Variants in THRAP3 observed in about 807,000 individuals in gnomAD.
THRAP3 encodes thyroid hormone receptor associated protein 3.
A neutral mutation model predicts 101.0 loss-of-function variants in THRAP3; 16 were observed. That is an observed-to-expected ratio of 0.16 (90% confidence interval 0.11 to 0.24). The LOEUF is 0.24. THRAP3 is among the 10% of genes least tolerant of loss of function. The pLI, the probability that THRAP3 is intolerant of heterozygous loss-of-function variation, is 1.00. For missense variants in THRAP3, 989 were observed against 1,202.7 expected, an observed-to-expected ratio of 0.82 and a Z score of 2.63; for synonymous variants, 407 against 422.6, an observed-to-expected ratio of 0.96 and a Z score of 0.45.
At chr1:36,301,758 C>G (rs1277804120) in intron 11 of THRAP3, 62 bp downstream of exon 11, 1 of 1,545,808 alleles carries the variant, frequency 6.5e-7, no homozygotes, top group Non-Finnish European at 8.7e-7. Flanking sequence ...GTAGCTGATA[C>G]CAAGCCTTAA....
In THRAP3 at chr1:36,303,911, A is replaced by C. The variant is rs767336056; in HGVS notation, c.2762A>C (p.Lys921Thr). Residue 921 changes from lysine (K) to threonine (T), a missense_variant, in exon 12 of 12, where the codon AAG (lysine) becomes ACG (threonine). Coordinates refer to ENST00000354618, the MANE Select transcript of THRAP3 (RefSeq NM_005119.4). ...TTCCGGAAATCAAGTACCAGCCCCAAGTGGGCCCATGACAAGTTCAGTGGG... is the reference window on the plus strand; with the variant it reads ...TTCCGGAAATCAAGTACCAGCCCCACGTGGGCCCATGACAAGTTCAGTGGG... The part of the protein sequence containing the change: ...FMFRKSSTSP[K>T]WAHDKFSGEE... 6.2e-7 allele frequency: 1 copy of C among 1,613,764 alleles called. No individual in the cohort carries two copies. Among genetic ancestry groups the C allele is most frequent in the Non-Finnish European group, 8.5e-7 (1 of 1,179,888 alleles).
chr1:36,218,130 C>G, the THRAP3 span, among the ~76,000 whole-genome samples: 1 of 151,738 alleles, frequency 6.6e-6, no homozygotes. Context: ...TCTGGGAGGC[C>G]GAAGTGGGTG....
chr1:36,301,796 G>A (rs956951627), intron 11 of THRAP3, 100 bp downstream of exon 11: 4 of 1,453,752 alleles, frequency 2.8e-6, no homozygotes, highest in East Asian at 4.6e-5. Context: ...GCGATTAAAT[G>A]TACGTGCAGG....
chr1:36,293,640 C>CTGTGTGTGTGTGTGTG (rs577292328), intron 7 of THRAP3, among the ~76,000 whole-genome samples: 6,370 of 133,258 alleles, frequency 0.048, 260 homozygotes, highest in Non-Finnish European at 0.057. Context: ...GAACCTGGGA[C>CTGTGTGTGTGTGTGTG]TGTGTGTGTG....
In THRAP3 at chr1:36,239,439, G is replaced by A. The variant is rs547034346; in HGVS notation, c.-135+14934G>A. ...GCGCCACCATGGCCAGCTAATTTTT[G>A]TGTTTTTAGTAGAGACGAGGTTTCA... On this transcript the variant is annotated intron_variant, in intron 1 of 11. Transcript: ENST00000354618. Among the ~76,000 whole-genome samples the A allele has an allele frequency of 7.9e-5, 12 of 152,130 alleles. No individual in the cohort carries two copies. The South Asian group carries it at 2.1e-3, about 26-fold the overall frequency.
upstream of THRAP3, among the ~76,000 whole-genome samples, chr1:36,220,076 C>A (rs759874182): frequency 7.9e-5 from 12 of 152,122 alleles, no homozygotes; most frequent in Non-Finnish European, 1.3e-4. Flanking sequence ...CTCACTGCAA[C>A]CTTCACCTCT....
At chr1:36,261,248 T>G (rs1031391636) in intron 2 of THRAP3, among the ~76,000 whole-genome samples, 40 of 151,532 alleles carry the variant, frequency 2.6e-4, no homozygotes, top group African/African-American at 9.7e-4. Context: ...AATACAAAAA[T>G]TAGGCCGGGT....
chr1:36,302,090 G>A (rs956668769), intron 11 of THRAP3, among the ~76,000 whole-genome samples: 1 of 152,210 alleles, frequency 6.6e-6, no homozygotes, highest in Non-Finnish European at 1.5e-5. Flanking sequence ...AGACCGCTCA[G>A]GATCTCTTTG....
At chr1:36,288,467 C>A in intron 4 of THRAP3, 2 of 985,394 alleles carry the variant, frequency 2.0e-6, no homozygotes, top group Non-Finnish European at 2.4e-6. Context: ...CTCTGCTTTT[C>A]CATAAGAAAG....
At chr1:36,229,423 G>GTTTTTTTTTTTGTTTTTTTTTTTTT (rs1557803187) in intron 1 of THRAP3, among the ~76,000 whole-genome samples, 1 of 38,940 alleles carries the variant, frequency 2.6e-5, no homozygotes, top group African/African-American at 6.8e-5. Context: ...TTTTTTTTTT[G>GTTTTTTTTTTTGTTTTTTTTTTTTT]TTTTTTTTTT....
rs763085063 is a variant in THRAP3 at position 36,286,741 on chromosome 1, T to C, written c.511T>C (p.Ser171Pro). 1.2e-6 allele frequency: 2 copies of C among 1,614,080 alleles called. No homozygotes were observed. The highest frequency in any genetic ancestry group is 2.2e-5 in the East Asian group (1 of 44,902). ...RSSSNHSRVE[S>P]SKRKSAKEKK... is the part of the protein sequence containing the mutation. ...TTCCTCCAACCATAGCCGAGTTGAATCTTCTAAGCGCAAGTCTGCAAAGGA... is the reference window on the plus strand; with the variant it reads ...TTCCTCCAACCATAGCCGAGTTGAACCTTCTAAGCGCAAGTCTGCAAAGGA... The change falls in exon 4 of 12, where the codon TCT becomes CCT. Residue 171 changes from serine (S) to proline (P), a missense_variant. Transcript: ENST00000354618. This position sits in a 1 kb window ranked among gnomAD's most constrained non-coding sequence, Gnocchi z 5.5.
chr1:36,259,244 C>G (rs2124486206), intron 1 of THRAP3, 138 bp from the exon 2 acceptor site: 3 of 394,078 alleles, frequency 7.6e-6, no homozygotes, highest in Non-Finnish European at 8.9e-6. Context: ...CCATCTCATA[C>G]TTTGAGAGAA....
rs889456690 is a variant in THRAP3 at position 36,305,187 on chromosome 1, C to A, written c.*1170C>A. On this transcript the variant is annotated 3_prime_UTR_variant, in exon 12 of 12. Coordinates refer to ENST00000354618, the MANE Select transcript of THRAP3 (RefSeq NM_005119.4). ...ATGCGGACTGCACCCACCTCTCCCC[C>A]CCAGCCTTTGCCTCTTGCGTTGTTG... 8 of 221,798 alleles carry A rather than the reference C, an allele frequency of 3.6e-5. No homozygotes were observed. Among genetic ancestry groups the A allele is most frequent in the Non-Finnish European group, 6.3e-5 (7 of 110,912 alleles). The allele number at this position is 221,798 out of a possible 1,614,324, so 13.7% of individuals were successfully genotyped here.
intron 2 of THRAP3, among the ~76,000 whole-genome samples, chr1:36,277,718 T>C (rs1183736598): frequency 6.6e-6 from 1 of 152,074 alleles, no homozygotes; most frequent in Non-Finnish European, 1.5e-5. Context: ...AAAAACCAAA[T>C]GAGTTTTTAG....
intron 2 of THRAP3, among the ~76,000 whole-genome samples, chr1:36,280,317 TAAAG>T (rs929161653): frequency 1.2e-4 from 18 of 152,328 alleles, no homozygotes; most frequent in Middle Eastern, 3.4e-3. Context: ...CAGCACTAAA[TAAAG>T]AAAGATGAGG....
the THRAP3 span, among the ~76,000 whole-genome samples, chr1:36,219,399 GCTAAA>G: frequency 2.6e-5 from 4 of 152,048 alleles, no homozygotes; most frequent in African/African-American, 4.8e-5. Flanking sequence ...GATGAAGGTG[GCTAAA>G]CTAAACAACA....
At chr1:36,299,847 G>A (rs1646009644) in intron 9 of THRAP3, among the ~76,000 whole-genome samples, 1 of 152,156 alleles carries the variant, frequency 6.6e-6, no homozygotes, top group Admixed American at 6.5e-5. Flanking sequence ...AAATAGCACG[G>A]ATGTTTAGTG....
intron 1 of THRAP3, among the ~76,000 whole-genome samples, chr1:36,224,729 G>A (rs1377735087): frequency 2.0e-5 from 3 of 152,136 alleles, no homozygotes; most frequent in African/African-American, 7.2e-5. Context: ...TAGCTCCCAA[G>A]GCTCTTGGTC....
chr1:36,275,849 C>T (rs557712171), intron 2 of THRAP3, among the ~76,000 whole-genome samples: 5 of 151,762 alleles, frequency 3.3e-5, no homozygotes, highest in East Asian at 2.0e-4. Flanking sequence ...GGGGAGACCC[C>T]GTCTCTACAA....
Sources: allele counts gnomAD v4.1 joint callset (sites outside exome capture counted in the v4.1 genomes callset), GRCh38; gene constraint gnomAD v4.1.1; non-coding constraint Gnocchi (gnomAD v3.1); transcripts MANE v1.5; gene names NCBI Gene and HGNC (gene_info 2026-07-23, HGNC 2026-07-21).